The following NEURL1 variants were observed in gnomAD, a reference collection of about 807,000 sequenced individuals.
The protein encoded by NEURL1 is neuralized E3 ubiquitin protein ligase 1, also known as E3 ubiquitin-protein ligase NEURL1.
In NEURL1, 26 loss-of-function variants were observed where a neutral mutation model predicts 41.2. The observed-to-expected ratio is 0.63, with a 90% confidence interval of 0.46 to 0.87. The LOEUF (loss-of-function observed/expected upper bound fraction) is 0.87. Among genes scored for constraint, NEURL1 ranks in the 40% least tolerant of loss-of-function variants. The pLI, the probability that NEURL1 is intolerant of heterozygous loss-of-function variation, is 0.00. For synonymous variants in NEURL1, 400 were observed against 402.3 expected (o/e 0.99, Z 0.07); for missense variants, 761 against 871.1 (o/e 0.87, Z 1.59).
chr10:103,545,663 C>T lies in NEURL1; in HGVS notation c.86-25209C>T, dbSNP rs2034910033. On this transcript the variant is annotated intron_variant, in intron 1 of 5. Coordinates refer to ENST00000369780, the MANE Select transcript of NEURL1 (RefSeq NM_004210.5). The surrounding 1 kb of genome is among the most constrained non-coding windows in gnomAD (Gnocchi z 4.5). ...CAGTGGCTGGACTCAAGTCATCTCT[C>T]ACCTTTGCTGTATGAGAACAGCAGT... Among the ~76,000 whole-genome samples the T allele has an allele frequency of 6.6e-6, 1 of 152,212 alleles. No homozygotes were observed. The highest frequency in any genetic ancestry group is 6.5e-5 in the Admixed American group (1 of 15,288).
chr10:103,567,226 C>T (rs1433208951), intron 1 of NEURL1, among the ~76,000 whole-genome samples: 26 of 152,042 alleles, frequency 1.7e-4, no homozygotes, highest in Admixed American at 1.5e-3. Flanking sequence ...TCAAGTGATC[C>T]GCCTGCCTCA....
intron 1 of NEURL1, among the ~76,000 whole-genome samples, chr10:103,540,286 A>G (rs2034791201): frequency 7.3e-6 from 1 of 137,794 alleles, no homozygotes; most frequent in Non-Finnish European, 1.5e-5. Context: ...TTTTATTTTC[A>G]GACTTTTTTT....
chr10:103,494,862 GAGAGACC>G (rs1377968442), intron 1 of NEURL1: 4 of 209,292 alleles, frequency 1.9e-5, no homozygotes, highest in African/African-American at 9.3e-5. Flanking sequence ...CCTAGGGCTG[GAGAGACC>G]AGGCTGGGAG....
rs767025244 is a variant in NEURL1, at chr10:103,590,229, G to C, written c.1582G>C (p.Ala528Pro). 1 of 1,613,848 alleles carries C rather than the reference G, an allele frequency of 6.2e-7. No individual in the cohort carries two copies. ...TGAGTGCACCATTTGCTATGAACAC[G>C]CGGTGGACACGGTCATCTACACATG... is the stretch of plus-strand genomic sequence containing the variant. Reference protein sequence around the residue: ...SDECTICYEHAVDTVIYTCGH... With the variant: ...SDECTICYEHPVDTVIYTCGH... The change falls in exon 6 of 6, where the codon GCG becomes CCG. Residue 528 changes from alanine (A) to proline (P), a missense_variant. Transcript: ENST00000369780.
intron 1 of NEURL1, among the ~76,000 whole-genome samples, chr10:103,503,859 C>T (rs2033883867): frequency 2.1e-5 from 3 of 143,152 alleles, no homozygotes; most frequent in Admixed American, 1.5e-4. Flanking sequence ...GGCGTGATCA[C>T]AGCTCACTGC....
At chr10:103,528,368 GA>G (rs201560925) in intron 1 of NEURL1, among the ~76,000 whole-genome samples, 552 of 149,176 alleles carry the variant, frequency 3.7e-3, no homozygotes, top group Non-Finnish European at 6.3e-3. Context: ...AGAACAGAAA[GA>G]AAAAAAAATA....
At chr10:103,580,784 T>A (rs901997777) in intron 3 of NEURL1, among the ~76,000 whole-genome samples, 1 of 152,168 alleles carries the variant, frequency 6.6e-6, no homozygotes, top group African/African-American at 2.4e-5. Context: ...CAGCAGCTTT[T>A]GTCCCTCCCC....
At chr10:103,550,810 T>C (rs1334107230) in intron 1 of NEURL1, 1 of 152,222 alleles carries the variant, frequency 6.6e-6, no homozygotes, top group Non-Finnish European at 1.5e-5. Context: ...TCGTTTGTCT[T>C]GCCTTCAGAA....
At chr10:103,563,449 G>A (rs969845920) in intron 1 of NEURL1, among the ~76,000 whole-genome samples, 9 of 152,032 alleles carry the variant, frequency 5.9e-5, no homozygotes, top group Admixed American at 2.6e-4. Flanking sequence ...TCTGTGCCTC[G>A]CCCCACCGCC....
chr10:103,572,825 G>A (rs2035579316), intron 3 of NEURL1, among the ~76,000 whole-genome samples: 1 of 152,184 alleles, frequency 6.6e-6, no homozygotes, highest in Non-Finnish European at 1.5e-5. Flanking sequence ...TTCCTCAGCT[G>A]TGAAATGGGT....
At chr10:103,506,448 C>A (rs1038898671) in intron 1 of NEURL1, among the ~76,000 whole-genome samples, 2 of 152,172 alleles carry the variant, frequency 1.3e-5, no homozygotes, top group African/African-American at 4.8e-5. Flanking sequence ...GAGTACTGGG[C>A]ATGGTCTCTG....
At chr10:103,553,763 C>T (rs2035084989) in intron 1 of NEURL1, among the ~76,000 whole-genome samples, 1 of 152,206 alleles carries the variant, frequency 6.6e-6, no homozygotes, top group Non-Finnish European at 1.5e-5. Context: ...CCTTCCTCAG[C>T]CCCTACCCCT....
At chr10:103,540,250 C>T (rs970258628) in intron 1 of NEURL1, among the ~76,000 whole-genome samples, 1 of 151,962 alleles carries the variant, frequency 6.6e-6, no homozygotes, top group Non-Finnish European at 1.5e-5. Flanking sequence ...CATTTTAACC[C>T]CTGCTTTTCT....
intron 1 of NEURL1, among the ~76,000 whole-genome samples, chr10:103,496,064 C>T (rs1050965890): frequency 2.8e-4 from 42 of 151,436 alleles, no homozygotes; most frequent in Admixed American, 6.6e-4. Flanking sequence ...GAGCTGAGAT[C>T]GTTCCACTGC....
intron 3 of NEURL1, among the ~76,000 whole-genome samples, chr10:103,581,145 A>G (rs1453280502): frequency 1.3e-5 from 2 of 152,138 alleles, no homozygotes; most frequent in East Asian, 3.9e-4. Context: ...CTTTCCAACA[A>G]CAACTCAGGG....
chr10:103,520,037 G>T (rs1157615450), intron 1 of NEURL1, among the ~76,000 whole-genome samples: 1 of 152,078 alleles, frequency 6.6e-6, no homozygotes, highest in Non-Finnish European at 1.5e-5. Flanking sequence ...TCCTGCTTCA[G>T]CCTCCCAGAG....
intron 1 of NEURL1, among the ~76,000 whole-genome samples, chr10:103,554,480 G>A (rs1210422482): frequency 6.6e-6 from 1 of 152,168 alleles, no homozygotes; most frequent in Non-Finnish European, 1.5e-5. Flanking sequence ...GTGTGTGTAT[G>A]TGCATGGTTA....
intron 1 of NEURL1, among the ~76,000 whole-genome samples, chr10:103,505,048 C>T (rs1036052909): frequency 1.1e-4 from 15 of 139,464 alleles, no homozygotes; most frequent in Admixed American, 2.2e-4. Flanking sequence ...TCTCCTGTAT[C>T]TTTTTTTTTT....
chr10:103,588,831 A>C (rs2035976458), intron 4 of NEURL1: 4 of 446,828 alleles, frequency 9.0e-6, no homozygotes. Context: ...CTATGATCCC[A>C]ACTACTCAGG....
Sources: gnomAD v4.1 joint callset for allele counts (sites outside exome capture counted in the v4.1 genomes callset) on GRCh38, gnomAD v4.1.1 for gene constraint, Gnocchi (gnomAD v3.1) non-coding constraint, MANE v1.5 for transcripts, NCBI Gene and HGNC (gene_info 2026-07-23, HGNC 2026-07-21) for gene names.